Variants in TACC1 observed in about 807,000 individuals in gnomAD.
TACC1 encodes transforming acidic coiled-coil-containing protein 1.
Under a neutral mutation model 84.4 loss-of-function variants are expected in TACC1, and 48 were observed. The observed-to-expected ratio is 0.57, with a 90% CI of 0.45 to 0.72. The LOEUF is 0.72. Among genes scored for constraint, TACC1 ranks in the 30% least tolerant of loss-of-function variants. TACC1 has a pLI of 0.00. For missense variants in TACC1, 920 were observed against 973.0 expected, an observed-to-expected ratio of 0.95 and a Z score of 0.72; for synonymous variants, 372 against 376.3, an observed-to-expected ratio of 0.99 and a Z score of 0.13.
At chr8:38,747,310 C>T (rs1308387976) in intron 3 of TACC1, among the ~76,000 whole-genome samples, 5 of 152,132 alleles carry the variant, frequency 3.3e-5, no homozygotes, top group African/African-American at 1.2e-4. Flanking sequence ...TCTTGCAAAA[C>T]GAAACATACT....
chr8:38,745,609 T>C, intron 3 of TACC1: 1 of 587,542 alleles, frequency 1.7e-6, no homozygotes, highest in Non-Finnish European at 3.0e-6. Flanking sequence ...AGTGGCGCAA[T>C]CTTGGCTCAC....
chr8:38,739,473 G>T (rs773807516), intron 1 of TACC1, among the ~76,000 whole-genome samples: 2 of 151,990 alleles, frequency 1.3e-5, no homozygotes, highest in African/African-American at 4.8e-5. Flanking sequence ...TTTGCCTTTC[G>T]TCTTAACGGA....
At position 38,787,424 on chromosome 8, in the gene TACC1, T is replaced by C. The variant is rs1051618302; in HGVS notation, c.-159T>C. ...GCCGGCTGCCGGCGGGAGGAAGCGC[T>C]CCACCAGGGCCCCCGACGGCACTCG... On this transcript the variant is annotated 5_prime_UTR_variant, in exon 1 of 13. Transcript: ENST00000317827. 12 of 1,349,038 alleles carry C rather than the reference T, an allele frequency of 8.9e-6. No homozygotes were observed. The highest frequency in any genetic ancestry group is 1.1e-5 in the Non-Finnish European group (12 of 1,056,328). 83.6% of individuals were successfully genotyped at this position (1,349,038 alleles called of 1,614,324 possible). A position where few individuals can be genotyped will look rare whatever the true frequency, so the allele number is the denominator to read the frequency against.
intron 2 of TACC1, among the ~76,000 whole-genome samples, chr8:38,742,840 G>A (rs1469225973): frequency 6.6e-6 from 1 of 152,072 alleles, no homozygotes; most frequent in Admixed American, 6.5e-5. Context: ...TCAGCCTCCC[G>A]AGTAGCTGGG....
exon 3 of TACC1, chr8:38,745,249 C>A: frequency 4.3e-6 from 2 of 466,754 alleles, no homozygotes; most frequent in Non-Finnish European, 7.6e-6. Context: ...AGTAGAGCTG[C>A]CTCCCCAGAA....
At chr8:38,797,790 C>T (rs1223101253) in intron 2 of TACC1, among the ~76,000 whole-genome samples, 1 of 152,228 alleles carries the variant, frequency 6.6e-6, no homozygotes, top group Non-Finnish European at 1.5e-5. Flanking sequence ...CACAGGAGCC[C>T]CATCTGTTAG....
chr8:38,798,991 T>TG (rs1373335673), intron 2 of TACC1, among the ~76,000 whole-genome samples: 1 of 152,052 alleles, frequency 6.6e-6, no homozygotes, highest in Non-Finnish European at 1.5e-5. Context: ...GACATGAAAC[T>TG]GGGGGAAAAA....
intron 3 of TACC1, among the ~76,000 whole-genome samples, chr8:38,779,807 T>C (rs1815569627): frequency 1.3e-5 from 2 of 152,328 alleles, no homozygotes; most frequent in Admixed American, 6.5e-5. Flanking sequence ...CAAGTTAACT[T>C]GTTAACAACA....
intron 3 of TACC1, among the ~76,000 whole-genome samples, chr8:38,822,215 A>C (rs989943082): frequency 6.8e-6 from 1 of 147,100 alleles, no homozygotes; most frequent in East Asian, 2.1e-4. Context: ...ATTGTACTCC[A>C]GCCTGGCTGG....
rs1351895217 is a variant in TACC1 at position 38,788,795 on chromosome 8, G to A, written c.253G>A (p.Ala85Thr). The change falls in exon 2 of 13, where the codon GCA (alanine) becomes ACA (threonine). Residue 85 changes from alanine to threonine, a missense_variant. Around this residue, in one of 2 missense-constraint regions of TACC1, gnomAD observed 762 missense variants for 747.3 expected, o/e 1.02. Transcript: ENST00000317827. ...KESCDPSLGL[A>T]GPGAKSQESQ... is the part of the protein sequence containing the mutation. ...GTCCTGTGATCCATCACTCGGATTG[G>A]CAGGACCTGGGGCCAAAAGCCAAGG... The A allele has an allele frequency of 1.9e-6, 3 of 1,612,464 alleles. No individual in the cohort carries two copies. The East Asian group carries it at 6.7e-5, about 36-fold the overall frequency.
At chr8:38,762,211 C>T (rs1811340696) in intron 3 of TACC1, among the ~76,000 whole-genome samples, 11 of 152,150 alleles carry the variant, frequency 7.2e-5, no homozygotes, top group Admixed American at 7.2e-4. Flanking sequence ...ACCATCACCA[C>T]CACCCATTTC....
At chr8:38,754,370 T>C (rs1384844289) in intron 3 of TACC1, among the ~76,000 whole-genome samples, 1 of 152,160 alleles carries the variant, frequency 6.6e-6, no homozygotes, top group Non-Finnish European at 1.5e-5. Flanking sequence ...TTTCCCATTC[T>C]CACCCTTTTC....
At chr8:38,812,340 T>G (rs1408102020) in intron 2 of TACC1, among the ~76,000 whole-genome samples, 1 of 152,152 alleles carries the variant, frequency 6.6e-6, no homozygotes, top group East Asian at 1.9e-4. Context: ...AAAAACATGC[T>G]GGTTTTGCAG....
intron 3 of TACC1, among the ~76,000 whole-genome samples, chr8:38,777,453 G>A (rs116254916): frequency 0.03 from 4,518 of 152,156 alleles, 217 homozygotes; most frequent in African/African-American, 0.1. Flanking sequence ...CTTTTCGGCC[G>A]GGAGAGGCTG....
Position 38,827,270 on chromosome 8 carries a change from G to C in TACC1, c.1555G>C (p.Ala519Pro). The change falls in exon 5 of 13, where the codon GCT becomes CCT. Residue 519 changes from alanine to proline, a missense_variant. This residue lies in a region of TACC1 where 762 missense variants were observed against 747.3 expected (regional missense o/e 1.02). Transcript: ENST00000317827. ...LASTSCGQKS[A>P]GAEVKGEPEE... Reference sequence around the variant, plus strand: ...ATCCACGTCATGTGGTCAGAAATCAGCTGGTGCCGAGGTGAAAGGTGAGCC... The same window carrying C: ...ATCCACGTCATGTGGTCAGAAATCACCTGGTGCCGAGGTGAAAGGTGAGCC... 6.2e-7 allele frequency: 1 copy of C among 1,614,234 alleles called. No individual in the cohort carries two copies. Among genetic ancestry groups the C allele is most frequent in the Non-Finnish European group, 8.5e-7 (1 of 1,180,042 alleles).
In TACC1 at chr8:38,838,540, A is replaced by G; in HGVS notation, c.1910A>G (p.Glu637Gly). 1 of 1,613,400 alleles carries G rather than the reference A, an allele frequency of 6.2e-7. No individual in the cohort carries two copies. Among genetic ancestry groups the G allele is most frequent in the Non-Finnish European group, 8.5e-7 (1 of 1,179,358 alleles). The stretch of plus-strand genomic sequence containing the variant: ...GAAGAGACCCGGCAAGAAGTTTTGG[A>G]GATGAGGTTAGACTGGAGGTTTTGG... The part of the protein sequence containing the change: ...KYEETRQEVL[E>G]MRKIVAEYEK... Residue 637 changes from glutamate (E) to glycine (G), a missense_variant, in exon 8 of 13, where the codon GAG becomes GGG. By Grantham distance (98) the Glu-to-Gly change is moderately conservative (BLOSUM62 -2). Coordinates refer to ENST00000317827, the MANE Select transcript of TACC1 (RefSeq NM_006283.3).
chr8:38,755,403 G>A (rs1217301133), intron 3 of TACC1, among the ~76,000 whole-genome samples: 1 of 152,054 alleles, frequency 6.6e-6, no homozygotes, highest in Non-Finnish European at 1.5e-5. Flanking sequence ...CTAGAATACA[G>A]AGAAAAGGAG....
intron 3 of TACC1, among the ~76,000 whole-genome samples, chr8:38,758,117 A>G (rs1302394149): frequency 6.6e-6 from 1 of 152,110 alleles, no homozygotes; most frequent in Non-Finnish European, 1.5e-5. Context: ...TTAAATATTT[A>G]TTTATTTATT....
chr8:38,823,391 C>A (rs1588010534), intron 3 of TACC1, among the ~76,000 whole-genome samples: 1 of 152,278 alleles, frequency 6.6e-6, no homozygotes, highest in East Asian at 1.9e-4. Flanking sequence ...ACGTCACTGC[C>A]TAGGTACTTC....
Sources: gnomAD v4.1 joint callset for allele counts (sites outside exome capture counted in the v4.1 genomes callset) on GRCh38, gnomAD v4.1.1 for gene constraint, gnomAD v4.1.1 regional missense constraint, MANE v1.5 for transcripts, NCBI Gene and HGNC (gene_info 2026-07-23, HGNC 2026-07-21) for gene names.